Variants in PSD3 observed in about 807,000 individuals in gnomAD.
The protein encoded by PSD3 is PH and SEC7 domain-containing protein 3.
PSD3 carries 49 observed loss-of-function variants against 105.5 expected under a neutral mutation model. That is an observed-to-expected ratio of 0.46 (90% CI 0.37 to 0.59). The LOEUF is 0.59. PSD3 is among the 20% of genes least tolerant of loss of function. The probability of loss-of-function intolerance (pLI) is 0.00; values close to 1 mark genes in which losing one functional copy is unlikely to be tolerated. For synonymous variants in PSD3, 557 were observed against 457.8 expected, an observed-to-expected ratio of 1.22 and a Z score of -2.77; for missense variants, 1,561 against 1,263.8, an observed-to-expected ratio of 1.24 and a Z score of -3.57.
intron 10 of PSD3, among the ~76,000 whole-genome samples, chr8:18,645,950 A>G (rs77736509): frequency 6.6e-6 from 1 of 152,088 alleles, no homozygotes; most frequent in African/African-American, 2.4e-5. Context: ...CTCTGCACAC[A>G]CTCAAATTAA....
intron 1 of PSD3, among the ~76,000 whole-genome samples, chr8:18,949,742 C>T (rs906665793): frequency 2.6e-5 from 4 of 151,158 alleles, no homozygotes; most frequent in African/African-American, 9.9e-5. Context: ...ATCTACAAAA[C>T]ACATGTCTGT....
At chr8:18,865,312 A>T (rs1816845055) in intron 4 of PSD3, 2 of 76,392 alleles carry the variant, frequency 2.6e-5, no homozygotes, top group East Asian at 5.7e-4. Context: ...TTTTTTTTAA[A>T]GGCTATCTGA....
intron 9 of PSD3, among the ~76,000 whole-genome samples, chr8:18,658,476 C>A (rs1809062474): frequency 1.3e-5 from 2 of 151,276 alleles, no homozygotes; most frequent in African/African-American, 2.4e-5. Context: ...TCTTCGATTT[C>A]TTTGTTCTGC....
At chr8:18,616,623 C>CTTTTTTT (rs1215460486) in intron 11 of PSD3, among the ~76,000 whole-genome samples, 7 of 98,504 alleles carry the variant, frequency 7.1e-5, no homozygotes, top group African/African-American at 1.5e-4. Flanking sequence ...CCTCTCTTTT[C>CTTTTTTT]TTTTCTTTTT....
intron 4 of PSD3, among the ~76,000 whole-genome samples, chr8:18,866,891 C>CAT (rs1215981400): frequency 7.0e-6 from 1 of 142,310 alleles, no homozygotes; most frequent in African/African-American, 3.0e-5. Flanking sequence ...AACATACATA[C>CAT]ATACACACAC....
In PSD3 at chr8:18,801,282, T is replaced by C. The variant is rs1341265775; in HGVS notation, c.2011A>G (p.Ile671Val). 1.3e-6 allele frequency: 2 copies of C among 1,569,586 alleles called. No homozygotes were observed. Among genetic ancestry groups the C allele is most frequent in the African/African-American group, 1.4e-5 (1 of 73,644 alleles). The change falls in exon 7 of 16, where the codon ATT becomes GTT. Residue 671 changes from isoleucine (I) to valine (V), a missense_variant. Transcript: ENST00000327040. ...NRYFYCNPDT[I>V]ASQDGVHCLT... ...TGTATCAGATTACCTTGTGAAGCAA[T>C]GGTATCTGGGTTACAATAAAAATAT...
chr8:18,596,124 T>C (rs1192384732), intron 12 of PSD3, among the ~76,000 whole-genome samples: 1 of 151,056 alleles, frequency 6.6e-6, no homozygotes, highest in East Asian at 1.9e-4. Flanking sequence ...CACAAATATG[T>C]GGAAATTAAG....
intron 9 of PSD3, among the ~76,000 whole-genome samples, chr8:18,669,101 C>T (rs930513476): frequency 3.0e-4 from 46 of 152,312 alleles, no homozygotes; most frequent in African/African-American, 1.0e-3. Context: ...CCCTACATAG[C>T]GTACCTTGCT....
intron 9 of PSD3, among the ~76,000 whole-genome samples, chr8:18,695,442 T>C (rs1194801912): frequency 1.3e-5 from 2 of 152,244 alleles, no homozygotes; most frequent in African/African-American, 4.8e-5. Flanking sequence ...ATTAGACTTC[T>C]TCCATGTATG....
At chr8:19,009,546 T>TA (rs60854172) in intron 1 of PSD3, among the ~76,000 whole-genome samples, 17,504 of 152,084 alleles carry the variant, frequency 0.12, 1,251 homozygotes, top group African/African-American at 0.2. Flanking sequence ...GCTGTGATTG[T>TA]AAAAACGCCC....
chr8:18,757,881 G>A (rs1806190458), intron 9 of PSD3, among the ~76,000 whole-genome samples: 1 of 152,074 alleles, frequency 6.6e-6, no homozygotes, highest in Admixed American at 6.5e-5. Flanking sequence ...TCATTACACT[G>A]TACTCAGTAC....
chr8:19,057,599 C>G (rs1025599053), intron 1 of PSD3, among the ~76,000 whole-genome samples: 2 of 152,148 alleles, frequency 1.3e-5, no homozygotes, highest in Non-Finnish European at 2.9e-5. Context: ...CTCCTCCTAT[C>G]TTGGCCCCTT....
intron 11 of PSD3, among the ~76,000 whole-genome samples, chr8:18,627,243 G>A (rs1430459315): frequency 6.6e-6 from 1 of 152,022 alleles, no homozygotes; most frequent in Non-Finnish European, 1.5e-5. Flanking sequence ...CTGAGTTGAG[G>A]AGGTAAGAAA....
intron 2 of PSD3, chr8:18,886,953 G>T (rs1301130577): frequency 6.6e-6 from 1 of 152,170 alleles, no homozygotes; most frequent in Non-Finnish European, 1.5e-5. Context: ...AGCCACCGTA[G>T]GGCGTTTTTA....
intron 10 of PSD3, among the ~76,000 whole-genome samples, chr8:18,647,783 T>C (rs7826678): frequency 0.38 from 57,386 of 151,924 alleles, 11,201 homozygotes; most frequent in South Asian, 0.51. Context: ...TCGATCATAA[T>C]GGCATTACCC....
At chr8:18,841,347 C>T (rs928859825) in intron 4 of PSD3, among the ~76,000 whole-genome samples, 8 of 152,132 alleles carry the variant, frequency 5.3e-5, no homozygotes, top group South Asian at 4.1e-4. Flanking sequence ...CTGGGGAGGC[C>T]CAGAGAGTGG....
At chr8:18,997,236 T>C (rs530392672) in intron 1 of PSD3, among the ~76,000 whole-genome samples, 11 of 152,056 alleles carry the variant, frequency 7.2e-5, no homozygotes, top group African/African-American at 2.4e-4. Context: ...GACAGCTCCC[T>C]GACTGAGCTC....
intron 9 of PSD3, among the ~76,000 whole-genome samples, chr8:18,731,300 T>G (rs1803732610): frequency 6.6e-6 from 1 of 152,110 alleles, no homozygotes; most frequent in Non-Finnish European, 1.5e-5. Flanking sequence ...TAGCAAAACA[T>G]TTATTCTGAC....
chr8:18,654,474 A>C (rs1241987282), intron 10 of PSD3, among the ~76,000 whole-genome samples: 1 of 152,212 alleles, frequency 6.6e-6, no homozygotes, highest in Non-Finnish European at 1.5e-5. Flanking sequence ...ACACATTTTG[A>C]CCTAATTTCC....
Sources: allele counts gnomAD v4.1 joint callset (sites outside exome capture counted in the v4.1 genomes callset), GRCh38; gene constraint gnomAD v4.1.1; transcripts MANE v1.5; gene names NCBI Gene and HGNC (gene_info 2026-07-23, HGNC 2026-07-21).